The following SMOC1 variants were observed in gnomAD, a reference collection of about 807,000 sequenced individuals.
SMOC1 encodes the protein SPARC-related modular calcium-binding protein 1.
A neutral mutation model predicts 56.3 loss-of-function variants in SMOC1; 22 were observed. The observed-to-expected ratio is 0.39, with a 90% CI of 0.28 to 0.56. The LOEUF (loss-of-function observed/expected upper bound fraction) is 0.56, where lower values mean the gene tolerates loss of function less well. SMOC1 is among the 20% of genes least tolerant of loss of function. SMOC1 has a pLI of 0.61. For synonymous variants in SMOC1, 193 were observed against 215.0 expected, an observed-to-expected ratio of 0.90 and a Z score of 0.89; for missense variants, 509 against 565.4, an observed-to-expected ratio of 0.90 and a Z score of 1.01.
intron 5 of SMOC1, among the ~76,000 whole-genome samples, chr14:69,981,454 G>A (rs988252642): frequency 6.6e-6 from 1 of 152,102 alleles, no homozygotes; most frequent in South Asian, 2.1e-4. Context: ...ATTGATCTGG[G>A]GCAATCCCAT....
intron 5 of SMOC1, among the ~76,000 whole-genome samples, chr14:69,991,153 T>C (rs529999979): frequency 5.8e-4 from 89 of 152,266 alleles, no homozygotes; most frequent in African/African-American, 2.1e-3. Flanking sequence ...AAATAGTTAA[T>C]GCTCAGAGAA....
At chr14:70,005,756 A>T (rs1317008048) in intron 7 of SMOC1, among the ~76,000 whole-genome samples, 1 of 152,138 alleles carries the variant, frequency 6.6e-6, no homozygotes, top group African/African-American at 2.4e-5. Context: ...GGACAGGATT[A>T]TAGGGGCGGG....
intron 7 of SMOC1, among the ~76,000 whole-genome samples, chr14:69,999,107 C>T (rs1252077345): frequency 1.3e-5 from 2 of 152,172 alleles, no homozygotes; most frequent in African/African-American, 2.4e-5. Context: ...ACACCCTGGC[C>T]TCCTCGTGCA....
intron 3 of SMOC1, among the ~76,000 whole-genome samples, chr14:69,971,265 G>A (rs940944019): frequency 1.3e-5 from 2 of 152,186 alleles, no homozygotes; most frequent in Non-Finnish European, 2.9e-5. Flanking sequence ...TGATCTGCCT[G>A]CCTCGGCCTC....
rs990880603 is a variant in SMOC1 at position 69,971,209 on chromosome 14, G to T, written c.379-4506G>T. On this transcript the variant is annotated intron_variant, in intron 3 of 11. Coordinates refer to ENST00000361956, the MANE Select transcript of SMOC1 (RefSeq NM_001034852.3). ...ATTTTTGTATTTTTAGTAGAGACGG[G>T]GTTTCACCATGTTGGCCAGGCTGGT... is the stretch of plus-strand genomic sequence containing the variant. Among the ~76,000 whole-genome samples, 7 of 152,142 alleles carry T rather than the reference G, an allele frequency of 4.6e-5. No homozygotes were observed. In the South Asian group the frequency reaches 1.0e-3, roughly 23 times the overall value.
At chr14:69,981,654 A>G (rs890912371) in intron 5 of SMOC1, among the ~76,000 whole-genome samples, 3 of 152,216 alleles carry the variant, frequency 2.0e-5, no homozygotes, top group Non-Finnish European at 4.4e-5. Context: ...ATGCACTGCT[A>G]AAACAGTTGA....
intron 1 of SMOC1, among the ~76,000 whole-genome samples, chr14:69,895,052 C>T (rs984237854): frequency 6.6e-6 from 1 of 152,160 alleles, no homozygotes; most frequent in African/African-American, 2.4e-5. Flanking sequence ...CAAAGATGCC[C>T]TGGAACACTT....
intron 1 of SMOC1, among the ~76,000 whole-genome samples, chr14:69,910,222 T>C (rs1884521578): frequency 6.6e-6 from 1 of 152,246 alleles, no homozygotes; most frequent in African/African-American, 2.4e-5. Flanking sequence ...CCGATTTTCA[T>C]TCCCACTTAC....
intron 3 of SMOC1, among the ~76,000 whole-genome samples, chr14:69,961,252 GTC>G (rs1883358544): frequency 9.0e-6 from 1 of 110,982 alleles, no homozygotes; most frequent in Non-Finnish European, 1.7e-5. Context: ...CCTTTTTATT[GTC>G]AAGCAATATT....
intron 1 of SMOC1, among the ~76,000 whole-genome samples, chr14:69,931,217 A>C (rs551957451): frequency 6.6e-6 from 1 of 152,280 alleles, no homozygotes; most frequent in East Asian, 1.9e-4. Flanking sequence ...CTGCGCACGC[A>C]TGGCCGTTTT....
intron 1 of SMOC1, among the ~76,000 whole-genome samples, chr14:69,917,319 A>T (rs1271583192): frequency 6.6e-6 from 1 of 152,244 alleles, no homozygotes; most frequent in Non-Finnish European, 1.5e-5. Context: ...CACCTCGCTG[A>T]CAATGCTCAC....
At chr14:69,911,024 G>A (rs889050191) in intron 1 of SMOC1, among the ~76,000 whole-genome samples, 13 of 152,200 alleles carry the variant, frequency 8.5e-5, no homozygotes, top group African/African-American at 3.1e-4. Context: ...CAAGTCCTGG[G>A]AGTTGGGCAG....
In SMOC1 at chr14:69,977,929, G is replaced by C. The variant is rs181330553; in HGVS notation, c.490G>C (p.Asp164His). 148 of 1,613,826 alleles carry C rather than the reference G, an allele frequency of 9.2e-5. No homozygotes were observed. The highest frequency in any genetic ancestry group is 1.2e-4 in the Non-Finnish European group (143 of 1,179,876). ...CCTTCTCACCCAAGGTTCAGTCACC[G>C]ACAAGCCCTTGAGCCAGGGTAACTC... is the stretch of plus-strand genomic sequence containing the variant. The part of the protein sequence containing the change: ...KTPVCSGSVT[D>H]KPLSQGNSGR... Residue 164 changes from aspartate (D) to histidine (H), a missense_variant, in exon 5 of 12, where the codon GAC becomes CAC. Physicochemically the swap from Asp to His is moderately conservative, Grantham distance 81 (BLOSUM62 -1). Transcript: ENST00000361956.
intron 4 of SMOC1, among the ~76,000 whole-genome samples, chr14:69,976,715 C>T (rs1883972794): frequency 6.6e-6 from 1 of 152,136 alleles, no homozygotes; most frequent in Non-Finnish European, 1.5e-5. Flanking sequence ...CCTGTCTCAC[C>T]CATCAGCTGA....
chr14:69,979,280 C>T (rs1884089827), intron 5 of SMOC1, among the ~76,000 whole-genome samples: 1 of 152,094 alleles, frequency 6.6e-6, no homozygotes, highest in African/African-American at 2.4e-5. Flanking sequence ...ACCTGCTGCC[C>T]CCAAATGCAG....
Position 69,961,272 on chromosome 14 carries a change from G to GTGTA in SMOC1, c.378+7741_378+7742insGTAT, listed in dbSNP as rs1447169812. Among the ~76,000 whole-genome samples the GTGTA allele has an allele frequency of 3.9e-3, 293 of 74,970 alleles. 10 individuals carry two copies. The highest frequency in any genetic ancestry group is 0.012 in the African/African-American group (204 of 16,454). The allele number at this position is 74,970 out of a possible 152,430, so 49.2% of individuals were successfully genotyped here. ...TTATTGTCAAGCAATATTCTATTGT[G>GTGTA]TATATATATATATATATATATATAT... On this transcript the variant is annotated intron_variant, in intron 3 of 11. Coordinates refer to ENST00000361956, the MANE Select transcript of SMOC1 (RefSeq NM_001034852.3).
intron 1 of SMOC1, among the ~76,000 whole-genome samples, chr14:69,916,383 G>T (rs1200983190): frequency 2.6e-5 from 4 of 152,228 alleles, no homozygotes; most frequent in Admixed American, 6.5e-5. Context: ...TGCCACACTG[G>T]TCTTCTCTTT....
chr14:70,013,436 C>T lies in SMOC1; in HGVS notation c.991C>T (p.Leu331Phe), dbSNP rs776533946. Residue 331 changes from leucine (L) to phenylalanine (F), a missense_variant, in exon 10 of 12, where the codon CTC (leucine) becomes TTC (phenylalanine). Leu to Phe is a conservative substitution (Grantham distance 22). This residue lies in a region of SMOC1 where 176 missense variants were observed against 188.1 expected (regional missense o/e 0.94). Transcript: ENST00000361956. Reference sequence around the variant, plus strand: ...GTTTATCACCAGCCTACTGGATGCTCTCACCACTGACATGGTTCAGGCCAT... The same window carrying T: ...GTTTATCACCAGCCTACTGGATGCTTTCACCACTGACATGGTTCAGGCCAT... ...MEFITSLLDALTTDMVQAINS... is the reference protein window; with the variant it reads ...MEFITSLLDAFTTDMVQAINS... 2 of 1,614,196 alleles carry T rather than the reference C, an allele frequency of 1.2e-6. No individual in the cohort carries two copies. Among genetic ancestry groups the T allele is most frequent in the South Asian group, 2.2e-5 (2 of 91,076 alleles).
intron 1 of SMOC1, among the ~76,000 whole-genome samples, chr14:69,902,930 C>T (rs1234717786): frequency 6.6e-6 from 1 of 152,232 alleles, no homozygotes; most frequent in East Asian, 1.9e-4. Flanking sequence ...CTCAGTGTTG[C>T]CTAGGCTGGA....
Sources: gnomAD v4.1 joint callset for allele counts (sites outside exome capture counted in the v4.1 genomes callset) on GRCh38, gnomAD v4.1.1 for gene constraint, gnomAD v4.1.1 regional missense constraint, MANE v1.5 for transcripts, NCBI Gene and HGNC (gene_info 2026-07-23, HGNC 2026-07-21) for gene names.